The following DSCAM variants were observed in gnomAD, a reference collection of about 807,000 sequenced individuals.
The protein encoded by DSCAM is DS cell adhesion molecule, also known as cell adhesion molecule DSCAM.
A neutral mutation model predicts 217.7 loss-of-function variants in DSCAM; 47 were observed. The observed-to-expected ratio is 0.22, with a 90% CI of 0.17 to 0.28. DSCAM has a LOEUF of 0.28. Among genes scored for constraint, DSCAM ranks in the 10% least tolerant of loss-of-function variants. The pLI is 1.00. For synonymous variants in DSCAM, 1,056 were observed against 1,015.3 expected, an observed-to-expected ratio of 1.04 and a Z score of -0.76; for missense variants, 2,080 against 2,618.3, an observed-to-expected ratio of 0.79 and a Z score of 4.49.
chr21:40,417,042 G>A (rs1207281573), intron 3 of DSCAM, among the ~76,000 whole-genome samples: 3 of 152,016 alleles, frequency 2.0e-5, no homozygotes, highest in Admixed American at 2.0e-4. Flanking sequence ...TTTGGTTGAG[G>A]CATCTGACTA....
At chr21:40,200,529 C>A (rs2091059147) in intron 11 of DSCAM, among the ~76,000 whole-genome samples, 1 of 152,218 alleles carries the variant, frequency 6.6e-6, no homozygotes, top group African/African-American at 2.4e-5. Flanking sequence ...GTGTACACAG[C>A]ATTTTTTTAA....
chr21:40,203,483 G>A (rs554680433), intron 11 of DSCAM, among the ~76,000 whole-genome samples: 1 of 152,298 alleles, frequency 6.6e-6, no homozygotes, highest in Admixed American at 6.5e-5. Context: ...CCGTCACCCA[G>A]AGCCTTGTTT....
chr21:40,737,424 G>T (rs935550389), intron 1 of DSCAM, among the ~76,000 whole-genome samples: 3 of 152,160 alleles, frequency 2.0e-5, no homozygotes, highest in African/African-American at 7.2e-5. Flanking sequence ...GATCACCTGA[G>T]GTCAGGAGTT....
intron 3 of DSCAM, among the ~76,000 whole-genome samples, chr21:40,572,133 T>C (rs542552167): frequency 1.3e-5 from 2 of 152,100 alleles, no homozygotes; most frequent in Admixed American, 1.3e-4. Context: ...TGTACATATA[T>C]ATGCATTTCA....
chr21:40,454,356 A>G (rs1054576712), intron 3 of DSCAM, among the ~76,000 whole-genome samples: 1 of 152,202 alleles, frequency 6.6e-6, no homozygotes, highest in African/African-American at 2.4e-5. Flanking sequence ...ACAATGCCCA[A>G]ATTGAAGGAT....
chr21:40,516,165 C>T (rs2076297887), intron 3 of DSCAM, among the ~76,000 whole-genome samples: 1 of 152,050 alleles, frequency 6.6e-6, no homozygotes, highest in African/African-American at 2.4e-5. Context: ...ACCAAGCACT[C>T]TCTCCAAACT....
At chr21:40,670,685 C>A (rs1345072802) in intron 3 of DSCAM, among the ~76,000 whole-genome samples, 1 of 152,204 alleles carries the variant, frequency 6.6e-6, no homozygotes, top group African/African-American at 2.4e-5. Context: ...TCAAGACTGA[C>A]AAATCCTCCA....
Position 40,742,063 on chromosome 21 carries a change from C to T in DSCAM, c.44-33292G>A, listed in dbSNP as rs78757312. On this transcript the variant is annotated intron_variant, in intron 1 of 32. Transcript: ENST00000400454. ...CTGGCCAACTTCAATGGGCACCCTTCGTATCTTTATGTACAACCTAGACAG... is the reference window on the plus strand; with the variant it reads ...CTGGCCAACTTCAATGGGCACCCTTTGTATCTTTATGTACAACCTAGACAG... 3.7e-3 allele frequency among the ~76,000 whole-genome samples: 569 copies of T among 152,268 alleles called. 11 individuals are homozygous for T. The highest frequency in any genetic ancestry group is 0.012 in the African/African-American group (496 of 41,550).
intron 1 of DSCAM, among the ~76,000 whole-genome samples, chr21:40,711,286 GCTA>G (rs1403057349): frequency 2.6e-5 from 4 of 152,150 alleles, no homozygotes. Flanking sequence ...TGCTGGGGTT[GCTA>G]CTAAGTCTAT....
chr21:40,519,301 TA>T (rs752184289), intron 3 of DSCAM, among the ~76,000 whole-genome samples: 4 of 152,146 alleles, frequency 2.6e-5, no homozygotes, highest in Non-Finnish European at 5.9e-5. Flanking sequence ...TAGATATGGT[TA>T]ACATCTACAA....
chr21:40,414,590 CTCTT>C (rs1372297052), intron 3 of DSCAM, among the ~76,000 whole-genome samples: 10 of 152,242 alleles, frequency 6.6e-5, no homozygotes, highest in Admixed American at 2.6e-4. Flanking sequence ...CCCTATTTTT[CTCTT>C]TCTTTTTCTT....
chr21:40,310,597 T>C (rs1232609619), intron 9 of DSCAM, among the ~76,000 whole-genome samples: 1 of 152,266 alleles, frequency 6.6e-6, no homozygotes, highest in Non-Finnish European at 1.5e-5. Context: ...TAAAAACTTC[T>C]GGTTGCCTTT....
intron 1 of DSCAM, among the ~76,000 whole-genome samples, chr21:40,795,633 A>C (rs538638588): frequency 1.3e-5 from 2 of 152,358 alleles, no homozygotes; most frequent in Non-Finnish European, 2.9e-5. Flanking sequence ...TGCTCAGTAC[A>C]CATCTGTAGA....
intron 8 of DSCAM, among the ~76,000 whole-genome samples, chr21:40,320,389 C>T (rs2074246653): frequency 6.6e-6 from 1 of 152,018 alleles, no homozygotes; most frequent in African/African-American, 2.4e-5. Context: ...TCTAATATGG[C>T]CATTGCAGTG....
intron 1 of DSCAM, among the ~76,000 whole-genome samples, chr21:40,780,430 T>TATATAC (rs1484182602): frequency 7.2e-6 from 1 of 138,444 alleles, no homozygotes; most frequent in Non-Finnish European, 1.6e-5. Context: ...TGTGTATATA[T>TATATAC]ATATATATAT....
At chr21:40,753,201 C>T (rs1394368591) in intron 1 of DSCAM, among the ~76,000 whole-genome samples, 1 of 152,160 alleles carries the variant, frequency 6.6e-6, no homozygotes, top group Non-Finnish European at 1.5e-5. Flanking sequence ...TGCAAGGATT[C>T]CTCCAATGTA....
rs774016134 is a variant in DSCAM at position 40,338,108 on chromosome 21, G to A, written c.1776C>T (p.Thr592=). Residue 592 remains threonine, a synonymous_variant, in exon 8 of 33, where the codon ACC becomes ACT. Transcript: ENST00000400454. ...CAGGAGAACAGGGCTTACCTTTCAC[G>A]GTCACGTGGACGCTCTGGCTGGTGG... The part of the protein sequence containing the change: ...QLSTSQSVHV[T]VKVPPFIQPF... 1.2e-6 allele frequency: 2 copies of A among 1,613,804 alleles called. No homozygotes were observed. The highest frequency in any genetic ancestry group is 2.2e-5 in the South Asian group (2 of 91,058).
chr21:40,405,146 C>T (rs958932442), intron 3 of DSCAM, among the ~76,000 whole-genome samples: 5 of 152,126 alleles, frequency 3.3e-5, no homozygotes, highest in African/African-American at 1.2e-4. Flanking sequence ...CGTATATTGT[C>T]TAGTAAAAAT....
At chr21:40,455,129 C>T (rs2075752819) in intron 3 of DSCAM, among the ~76,000 whole-genome samples, 2 of 152,104 alleles carry the variant, frequency 1.3e-5, no homozygotes. Flanking sequence ...AGACATAGAT[C>T]AAGAAGCTCC....
Sources: allele counts gnomAD v4.1 joint callset (sites outside exome capture counted in the v4.1 genomes callset), GRCh38; gene constraint gnomAD v4.1.1; transcripts MANE v1.5; gene names NCBI Gene and HGNC (gene_info 2026-07-23, HGNC 2026-07-21).